Variants in CYLD observed in about 807,000 individuals in gnomAD.
The protein encoded by CYLD is ubiquitin carboxyl-terminal hydrolase CYLD.
A neutral mutation model predicts 104.5 loss-of-function variants in CYLD; 26 were observed. The observed-to-expected ratio is 0.25, with a 90% CI of 0.18 to 0.35. The LOEUF is 0.35. Ranked by LOEUF, CYLD falls within the 10% of genes least tolerant of loss-of-function variation. The pLI is 1.00. For synonymous variants in CYLD, 385 were observed against 399.9 expected, an observed-to-expected ratio of 0.96 and a Z score of 0.45; for missense variants, 703 against 1,136.1, an observed-to-expected ratio of 0.62 and a Z score of 5.48.
intron 5 of CYLD, among the ~76,000 whole-genome samples, chr16:50,758,569 C>A (rs61642303): frequency 1.3e-5 from 2 of 152,028 alleles, no homozygotes; most frequent in African/African-American, 4.8e-5. Flanking sequence ...TTGTAGTTAT[C>A]CACGTGAGAG....
intron 2 of CYLD, among the ~76,000 whole-genome samples, chr16:50,748,192 T>C (rs1966352159): frequency 6.6e-6 from 1 of 152,200 alleles, no homozygotes; most frequent in African/African-American, 2.4e-5. Context: ...GAAATGAAAG[T>C]ACTGTCTTTG....
chr16:50,782,505 A>G (rs1970320350), intron 11 of CYLD, 39 bp downstream of exon 11: 6 of 1,606,198 alleles, frequency 3.7e-6, no homozygotes, highest in South Asian at 3.3e-5. Flanking sequence ...AGATAGTGCC[A>G]TGAGGCAGGG....
rs1351450305 is a variant in CYLD at position 50,755,167 on chromosome 16, ACATATGTGTGTG to A, written c.913+744_913+755del. 5.0e-4 allele frequency among the ~76,000 whole-genome samples: 25 copies of A among 49,776 alleles called. 1 individual carries two copies. The highest frequency in any genetic ancestry group is 2.1e-3 in the African/African-American group (18 of 8,700). The allele number at this position is 49,776 out of a possible 152,430, so 32.7% of individuals were successfully genotyped here. ...CATATGTGTGTATATACACACGTGT[ACATATGTGTGTG>A]TATATACACACGTGTACATATGTGT... On this transcript the variant is annotated intron_variant, in intron 5 of 18. Transcript: ENST00000427738.
intron 11 of CYLD, 119 bp from the exon 12 acceptor site, chr16:50,784,210 A>C (rs1970581656): frequency 2.6e-6 from 3 of 1,157,168 alleles, no homozygotes; most frequent in Admixed American, 3.7e-5. Context: ...GAAAAACACA[A>C]ATTGTTATGT....
chr16:50,781,557 G>A, intron 10 of CYLD, 146 bp downstream of exon 10: 2 of 1,065,250 alleles, frequency 1.9e-6, no homozygotes, highest in Non-Finnish European at 1.4e-6. Flanking sequence ...AATGTTGCAT[G>A]GTGTATAAGA....
chr16:50,778,457 A>G (rs140470487), intron 8 of CYLD, among the ~76,000 whole-genome samples: 1 of 152,350 alleles, frequency 6.6e-6, no homozygotes, highest in Admixed American at 6.5e-5. Context: ...CCACAGACAC[A>G]GTAGAGTTGC....
At position 50,775,193 on chromosome 16, in the gene CYLD, G is replaced by A. The variant is rs367779898; in HGVS notation, c.922+19G>A. The A allele has an allele frequency of 5.7e-6, 9 of 1,591,330 alleles. No homozygotes were observed. The highest frequency in any genetic ancestry group is 4.5e-5 in the East Asian group (2 of 44,754). On this transcript the variant is annotated intron_variant, in intron 6 of 18. Transcript: ENST00000427738. ...TTATCAGGTATGACTCCTAAGTGTCGTGTTGGACTCCACGGATGTATTGTT... is the reference window on the plus strand; with the variant it reads ...TTATCAGGTATGACTCCTAAGTGTCATGTTGGACTCCACGGATGTATTGTT...
In CYLD at chr16:50,799,887, T is replaced by G. The variant is rs1464020140; in HGVS notation, c.*3379T>G. ...TGAGTAACTGCCAACCAAGAAGTATTTATCGGACACTTACTAGGTGCCTAG... is the reference window on the plus strand; with the variant it reads ...TGAGTAACTGCCAACCAAGAAGTATGTATCGGACACTTACTAGGTGCCTAG... On this transcript the variant is annotated 3_prime_UTR_variant, in exon 19 of 19. Coordinates refer to ENST00000427738, the MANE Select transcript of CYLD (RefSeq NM_001378743.1). 8.6e-6 allele frequency: 2 copies of G among 232,932 alleles called. No homozygotes were observed. Among genetic ancestry groups the G allele is most frequent in the Non-Finnish European group, 1.7e-5 (2 of 117,972 alleles). 14.4% of individuals were successfully genotyped at this position (232,932 alleles called of 1,614,324 possible).
chr16:50,771,371 C>T (rs1195043103), intron 5 of CYLD, among the ~76,000 whole-genome samples: 3 of 151,056 alleles, frequency 2.0e-5, no homozygotes, highest in Non-Finnish European at 3.0e-5. Flanking sequence ...AATAATATTC[C>T]AATAAATGGA....
intron 3 of CYLD, among the ~76,000 whole-genome samples, chr16:50,751,211 G>A (rs1966587807): frequency 6.6e-6 from 1 of 152,210 alleles, no homozygotes; most frequent in Non-Finnish European, 1.5e-5. Context: ...TACATGACTT[G>A]TAGTGTTTTT....
chr16:50,755,630 G>A (rs917506023), intron 5 of CYLD, among the ~76,000 whole-genome samples: 1 of 152,154 alleles, frequency 6.6e-6, no homozygotes, highest in East Asian at 1.9e-4. Context: ...GATAATTGAT[G>A]ATGCTGAGCA....
rs755565463 is a variant in CYLD, at chr16:50,749,800, A to C, written c.102A>C (p.Gln34His). The change falls in exon 3 of 19, where the codon CAA becomes CAC. Residue 34 changes from glutamine to histidine, a missense_variant. Around this residue, in one of 5 missense-constraint regions of CYLD, gnomAD observed 142 missense variants for 165.1 expected, o/e 0.86. Transcript: ENST00000427738. ...LLQECSVTDK[Q>H]TQKLLKVPKG... Reference sequence around the variant, plus strand: ...AAGAATGCAGCGTTACAGACAAACAAACACAAAAGCTCCTTAAAGTACCGA... The same window carrying C: ...AAGAATGCAGCGTTACAGACAAACACACACAAAAGCTCCTTAAAGTACCGA... The C allele has an allele frequency of 1.9e-6, 3 of 1,614,052 alleles. No homozygotes were observed. Among genetic ancestry groups the C allele is most frequent in the Non-Finnish European group, 1.7e-6 (2 of 1,179,986 alleles).
At position 50,775,528 on chromosome 16, in the gene CYLD, A is replaced by C. The variant is rs530466246; in HGVS notation, c.922+354A>C. Among the ~76,000 whole-genome samples, 6 of 152,310 alleles carry C rather than the reference A, an allele frequency of 3.9e-5. No individual in the cohort carries two copies. In the East Asian group the frequency reaches 9.6e-4, roughly 24 times the overall value. ...ATTCTTAACATATATGTTTTTAAAAACAGATATATGTTCTTAACCAGAACT... is the reference window on the plus strand; with the variant it reads ...ATTCTTAACATATATGTTTTTAAAACCAGATATATGTTCTTAACCAGAACT... On this transcript the variant is annotated intron_variant, in intron 6 of 18. Transcript: ENST00000427738.
intron 13 of CYLD, chr16:50,787,229 A>G (rs1366081237): frequency 7.5e-6 from 3 of 402,144 alleles, no homozygotes; most frequent in Non-Finnish European, 1.4e-5. Context: ...TGATATTCTC[A>G]GTTGTTTCTC....
chr16:50,777,299 G>T (rs559298113), intron 7 of CYLD, among the ~76,000 whole-genome samples: 1 of 152,210 alleles, frequency 6.6e-6, no homozygotes. Context: ...AATCCAATCT[G>T]TAAGAAATAA....
chr16:50,761,918 G>T (rs1376228038), intron 5 of CYLD, among the ~76,000 whole-genome samples: 1 of 152,168 alleles, frequency 6.6e-6, no homozygotes, highest in Non-Finnish European at 1.5e-5. Context: ...GGTTTGAGAG[G>T]CCACTTTCAT....
At chr16:50,769,227 T>C (rs1334395712) in intron 5 of CYLD, among the ~76,000 whole-genome samples, 2 of 152,170 alleles carry the variant, frequency 1.3e-5, no homozygotes, top group Non-Finnish European at 2.9e-5. Flanking sequence ...GGTAATATCA[T>C]AGGTGACTGT....
At chr16:50,749,548 G>A in intron 2 of CYLD, 28 bp from the exon 3 acceptor site, 1 of 730,940 alleles carries the variant, frequency 1.4e-6, no homozygotes, top group Non-Finnish European at 2.2e-6. Flanking sequence ...TTTTTCACTA[G>A]GCATTTTGAT....
At chr16:50,793,501 T>G in intron 16 of CYLD, 45 bp from the exon 17 acceptor site, 1 of 1,295,416 alleles carries the variant, frequency 7.7e-7, no homozygotes, top group East Asian at 2.3e-5. Flanking sequence ...AGAATGCATT[T>G]TTTTTAAAGT....
Sources: allele counts gnomAD v4.1 joint callset (sites outside exome capture counted in the v4.1 genomes callset), GRCh38; gene constraint gnomAD v4.1.1; regional missense constraint gnomAD v4.1.1; transcripts MANE v1.5; gene names NCBI Gene and HGNC (gene_info 2026-07-23, HGNC 2026-07-21).